Variants in CHSY1 observed in about 807,000 individuals in gnomAD.
CHSY1 encodes the protein N-acetylgalactosaminyl-proteoglycan 3-beta-glucuronosyltransferase 1.
CHSY1 carries 13 observed loss-of-function variants against 59.8 expected under a neutral mutation model. The ratio of observed to expected loss-of-function variants is 0.22; its 90% CI spans 0.14 to 0.35. CHSY1 has a LOEUF of 0.35. Among genes scored for constraint, CHSY1 ranks in the 10% least tolerant of loss-of-function variants. CHSY1 has a pLI of 1.00. For missense variants in CHSY1, 947 were observed against 1,030.6 expected, an observed-to-expected ratio of 0.92 and a Z score of 1.11; for synonymous variants, 459 against 401.2, an observed-to-expected ratio of 1.14 and a Z score of -1.72.
chr15:101,243,405 T>G (rs1216093288), intron 1 of CHSY1, among the ~76,000 whole-genome samples: 2 of 152,238 alleles, frequency 1.3e-5, no homozygotes, highest in Admixed American at 6.5e-5. Context: ...CAGTATCGTT[T>G]AATGCAAACA....
intron 2 of CHSY1, among the ~76,000 whole-genome samples, chr15:101,181,864 AT>A (rs1019169793): frequency 6.6e-6 from 1 of 152,186 alleles, no homozygotes; most frequent in African/African-American, 2.4e-5. Context: ...TTAACTACTA[AT>A]AGCCTACTGT....
intron 1 of CHSY1, among the ~76,000 whole-genome samples, chr15:101,237,065 A>T (rs2038951520): frequency 1.3e-5 from 2 of 151,404 alleles, no homozygotes; most frequent in African/African-American, 4.9e-5. Context: ...TAAAAAAAAA[A>T]ATACAAAATT....
At chr15:101,200,921 G>T (rs551654756) in intron 2 of CHSY1, among the ~76,000 whole-genome samples, 110 of 152,280 alleles carry the variant, frequency 7.2e-4, no homozygotes, top group Non-Finnish European at 1.4e-3. Context: ...CCAGGCCACA[G>T]TTCTGTGGAT....
intron 2 of CHSY1, among the ~76,000 whole-genome samples, chr15:101,196,270 C>T (rs1424769285): frequency 1.3e-5 from 2 of 151,700 alleles, no homozygotes; most frequent in African/African-American, 2.4e-5. Flanking sequence ...TAAGCATACC[C>T]TAACTAAACA....
intron 2 of CHSY1, among the ~76,000 whole-genome samples, chr15:101,204,198 C>T: frequency 6.6e-6 from 1 of 152,090 alleles, no homozygotes; most frequent in Non-Finnish European, 1.5e-5. Context: ...TTTTAGGAGG[C>T]CGAGGTGGGT....
Position 101,223,207 on chromosome 15 carries a change from C to T in CHSY1, c.816+11875G>A, listed in dbSNP as rs149090902. Among the ~76,000 whole-genome samples, 253 of 152,314 alleles carry T rather than the reference C, an allele frequency of 1.7e-3. 4 individuals carry two copies. In the East Asian group the frequency reaches 0.044, roughly 26 times the overall value. On this transcript the variant is annotated intron_variant, in intron 2 of 2. Transcript: ENST00000254190. ...ACAGGGTTTTGCCATGTTGGCCAGG[C>T]TGGTCCCGAACTCCTGATCTCAGGT...
At chr15:101,239,620 A>G (rs570001412) in intron 1 of CHSY1, among the ~76,000 whole-genome samples, 35 of 152,384 alleles carry the variant, frequency 2.3e-4, no homozygotes, top group Admixed American at 6.5e-4. Flanking sequence ...TTGCAAATCA[A>G]ATAAGGTAGT....
intron 2 of CHSY1, among the ~76,000 whole-genome samples, chr15:101,226,583 C>A (rs1368431955): frequency 6.6e-6 from 1 of 152,160 alleles, no homozygotes; most frequent in Non-Finnish European, 1.5e-5. Context: ...TCGCCCCACT[C>A]TGCCTCGTCA....
At chr15:101,208,731 G>C (rs1327514473) in intron 2 of CHSY1, among the ~76,000 whole-genome samples, 2 of 145,246 alleles carry the variant, frequency 1.4e-5, no homozygotes, top group Admixed American at 1.4e-4. Context: ...AAAAAAAAGA[G>C]ATACAGAAGC....
At chr15:101,248,378 C>G (rs2039071709) in intron 1 of CHSY1, among the ~76,000 whole-genome samples, 1 of 152,198 alleles carries the variant, frequency 6.6e-6, no homozygotes, top group Admixed American at 6.5e-5. Flanking sequence ...TCAGTCTAAA[C>G]ACAGGGTTGG....
chr15:101,218,129 C>T (rs985289587), intron 2 of CHSY1, among the ~76,000 whole-genome samples: 2 of 152,196 alleles, frequency 1.3e-5, no homozygotes, highest in Non-Finnish European at 2.9e-5. Flanking sequence ...AAATACCTGA[C>T]TAGCACTCCT....
Position 101,178,978 on chromosome 15 carries a change from C to G in CHSY1, c.819G>C (p.Met273Ile), listed in dbSNP as rs756506187. ...CGTAATTCTCATAAAAAAGCTGCTG[C>G]ATCTGTTACAGGAAAAAAAAGAGAT... ...AGVQCVWSYE[M>I]QQLFYENYEQ... Residue 273 changes from methionine to isoleucine, a missense_variant and splice_region_variant, in exon 3 of 3, where the codon ATG (methionine) becomes ATC (isoleucine). By Grantham distance (10) the Met-to-Ile change is conservative (BLOSUM62 1). Transcript: ENST00000254190. 6.2e-7 allele frequency: 1 copy of G among 1,613,844 alleles called. No homozygotes were observed. The highest frequency in any genetic ancestry group is 2.2e-5 in the East Asian group (1 of 44,880).
chr15:101,230,150 C>A (rs2038879059), intron 2 of CHSY1, among the ~76,000 whole-genome samples: 1 of 152,036 alleles, frequency 6.6e-6, no homozygotes, highest in African/African-American at 2.4e-5. Context: ...CCATGTTGGC[C>A]AGGCTGGTCT....
At chr15:101,203,237 G>A (rs562088516) in intron 2 of CHSY1, among the ~76,000 whole-genome samples, 6 of 152,210 alleles carry the variant, frequency 3.9e-5, no homozygotes, top group Admixed American at 3.9e-4. Context: ...ACAGCCAGTA[G>A]ACCCTGTCCA....
At chr15:101,212,818 A>G (rs1012285949) in intron 2 of CHSY1, among the ~76,000 whole-genome samples, 8 of 152,386 alleles carry the variant, frequency 5.2e-5, no homozygotes, top group African/African-American at 1.9e-4. Context: ...AAACATGTAG[A>G]AAACACTTGA....
chr15:101,199,889 C>T (rs115819432), intron 2 of CHSY1, among the ~76,000 whole-genome samples: 1,674 of 152,260 alleles, frequency 0.011, 30 homozygotes, highest in African/African-American at 0.038. Context: ...CGAACAGCAG[C>T]GTATGTTCAT....
chr15:101,190,214 C>G lies in CHSY1; in HGVS notation c.817-11234G>C, dbSNP rs562650277. 4.3e-4 allele frequency among the ~76,000 whole-genome samples: 54 copies of G among 125,296 alleles called. 1 individual carries two copies. The highest frequency in any genetic ancestry group is 6.5e-5 in the Non-Finnish European group (4 of 61,748). 82.2% of individuals were successfully genotyped at this position (125,296 alleles called of 152,430 possible). On this transcript the variant is annotated intron_variant, in intron 2 of 2. Coordinates refer to ENST00000254190, the MANE Select transcript of CHSY1 (RefSeq NM_014918.5). ...TTCAAAAAAGAGGGTAAGAAAAACACTGGAGAGGGGACTGAGGGAAGAAGA... is the reference window on the plus strand; with the variant it reads ...TTCAAAAAAGAGGGTAAGAAAAACAGTGGAGAGGGGACTGAGGGAAGAAGA...
At position 101,188,268 on chromosome 15, in the gene CHSY1, C is replaced by T. The variant is rs185909100; in HGVS notation, c.817-9288G>A. On this transcript the variant is annotated intron_variant, in intron 2 of 2. Transcript: ENST00000254190. The stretch of plus-strand genomic sequence containing the variant: ...AAGCGTTGTCTAAATGTCAAGAGAC[C>T]GTAACTGCTGGTAGCCAGTCACGAG... 5.1e-5 allele frequency: 42 copies of T among 829,194 alleles called. No individual in the cohort carries two copies. The Admixed American group carries it at 1.9e-3, about 37-fold the overall frequency. 51.4% of individuals were successfully genotyped at this position (829,194 alleles called of 1,614,324 possible). A position where few individuals can be genotyped will look rare whatever the true frequency, so the allele number is the denominator to read the frequency against.
chr15:101,189,418 A>T, intron 2 of CHSY1: 1 of 985,348 alleles, frequency 1.0e-6, no homozygotes, highest in Non-Finnish European at 1.2e-6. Context: ...AAAATTAAAA[A>T]CAAACTTACA....
Sources: allele counts gnomAD v4.1 joint callset (sites outside exome capture counted in the v4.1 genomes callset), GRCh38; gene constraint gnomAD v4.1.1; transcripts MANE v1.5; gene names NCBI Gene and HGNC (gene_info 2026-07-23, HGNC 2026-07-21).